NPAS3: variants seen among roughly 807,000 people sequenced by gnomAD.
NPAS3 encodes the protein neuronal PAS domain protein 3, also known as neuronal PAS domain-containing protein 3.
A neutral mutation model predicts 73.1 loss-of-function variants in NPAS3; 14 were observed. That is an observed-to-expected ratio of 0.19 (90% CI 0.13 to 0.30). The LOEUF (loss-of-function observed/expected upper bound fraction) is 0.30, where lower values mean the gene tolerates loss of function less well. NPAS3 is among the 10% of genes least tolerant of loss of function. The probability of loss-of-function intolerance (pLI) is 1.00; values close to 1 mark genes in which losing one functional copy is unlikely to be tolerated. For synonymous variants in NPAS3, 620 were observed against 541.5 expected, an observed-to-expected ratio of 1.14 and a Z score of -2.01; for missense variants, 1,096 against 1,250.0, an observed-to-expected ratio of 0.88 and a Z score of 1.86.
Position 33,789,184 on chromosome 14 carries a change from A to G in NPAS3, c.1154-4713A>G, listed in dbSNP as rs187707311. On this transcript the variant is annotated intron_variant, in intron 9 of 11. Coordinates refer to ENST00000356141, the Ensembl canonical transcript of NPAS3. ...ATTGTTAGCTAAGCAAAGCTGAAAC[A>G]GTTCAACCAGGAGGATTTAAATCTC... Among the ~76,000 whole-genome samples the G allele has an allele frequency of 2.9e-3, 449 of 152,360 alleles. 1 individual carries two copies. The highest frequency in any genetic ancestry group is 5.0e-3 in the Non-Finnish European group (339 of 68,028).
chr14:33,175,160 TTGAC>T (rs1351824333), intron 2 of NPAS3, among the ~76,000 whole-genome samples: 1 of 152,190 alleles, frequency 6.6e-6, no homozygotes, highest in African/African-American at 2.4e-5. Flanking sequence ...AAAATATTGA[TTGAC>T]ATAATTTAAA....
At chr14:33,215,618 T>G (rs2047195292) in intron 3 of NPAS3, 192 bp downstream of exon 3, 6 of 744,456 alleles carry the variant, frequency 8.1e-6, no homozygotes, top group Admixed American at 6.3e-5. Flanking sequence ...TTCTATTTTA[T>G]TTTCAAAAAG....
chr14:33,365,651 A>G (rs1178921974), intron 3 of NPAS3, among the ~76,000 whole-genome samples: 1 of 152,164 alleles, frequency 6.6e-6, no homozygotes, highest in African/African-American at 2.4e-5. Context: ...TTTCCCATTG[A>G]AAAAAATGCC....
At chr14:33,297,688 C>T (rs566448327) in intron 3 of NPAS3, among the ~76,000 whole-genome samples, 1 of 152,290 alleles carries the variant, frequency 6.6e-6, no homozygotes, top group African/African-American at 2.4e-5. Context: ...AGGATCCCTG[C>T]TGCTTGCATG....
At chr14:33,675,335 G>A (rs978827605) in intron 5 of NPAS3, among the ~76,000 whole-genome samples, 2 of 152,164 alleles carry the variant, frequency 1.3e-5, no homozygotes, top group African/African-American at 4.8e-5. Context: ...CCTTCAGACG[G>A]CGCACAACTC....
intron 3 of NPAS3, among the ~76,000 whole-genome samples, chr14:33,358,603 C>T (rs2045450468): frequency 6.6e-6 from 1 of 152,182 alleles, no homozygotes; most frequent in Non-Finnish European, 1.5e-5. Context: ...CACCTCTCCC[C>T]ACCTCCATCC....
intron 3 of NPAS3, among the ~76,000 whole-genome samples, chr14:33,261,896 G>A (rs567347636): frequency 6.6e-6 from 1 of 152,184 alleles, no homozygotes; most frequent in East Asian, 1.9e-4. Flanking sequence ...ATCATGAGGA[G>A]TCTGTGCTTG....
At chr14:33,100,656 A>G (rs1032386763) in intron 2 of NPAS3, among the ~76,000 whole-genome samples, 1 of 152,190 alleles carries the variant, frequency 6.6e-6, no homozygotes, top group African/African-American at 2.4e-5. Flanking sequence ...TACCTGGAAG[A>G]TATGTCAATC....
At position 33,081,967 on chromosome 14, in the gene NPAS3, G is replaced by A. The variant is rs76368936; in HGVS notation, c.140+25973G>A. On this transcript the variant is annotated intron_variant, in intron 2 of 11. Transcript: ENST00000356141. The stretch of plus-strand genomic sequence containing the variant: ...TCTCCTGGACAGCCAAACGTGCAAT[G>A]ATTTCTCTTTAAAGATTTATTAAAA... 8.2e-3 allele frequency among the ~76,000 whole-genome samples: 1,247 copies of A among 152,300 alleles called. 15 individuals carry two copies. The highest frequency in any genetic ancestry group is 0.028 in the African/African-American group (1,155 of 41,558).
chr14:33,101,976 C>G (rs748100322), intron 2 of NPAS3, among the ~76,000 whole-genome samples: 1 of 152,150 alleles, frequency 6.6e-6, no homozygotes, highest in African/African-American at 2.4e-5. Flanking sequence ...ACCATTTTCT[C>G]TCATACTCAT....
At chr14:33,463,352 T>C (rs1438151612) in intron 4 of NPAS3, among the ~76,000 whole-genome samples, 2 of 152,216 alleles carry the variant, frequency 1.3e-5, no homozygotes, top group East Asian at 3.8e-4. Context: ...TTGTGTCACA[T>C]TTTGTCTTTA....
At chr14:33,153,321 G>T (rs1049063782) in intron 2 of NPAS3, among the ~76,000 whole-genome samples, 1 of 152,040 alleles carries the variant, frequency 6.6e-6, no homozygotes, top group African/African-American at 2.4e-5. Context: ...AGTTCTGAGT[G>T]CATGAACTGG....
chr14:33,170,035 A>G (rs1218778035), intron 2 of NPAS3, among the ~76,000 whole-genome samples: 1 of 152,142 alleles, frequency 6.6e-6, no homozygotes, highest in South Asian at 2.1e-4. Flanking sequence ...GCTTTATGGA[A>G]TCTTTGCTGG....
At chr14:33,792,399 G>C (rs945521965) in intron 9 of NPAS3, among the ~76,000 whole-genome samples, 2 of 151,876 alleles carry the variant, frequency 1.3e-5, no homozygotes, top group Non-Finnish European at 2.9e-5. Flanking sequence ...TTAGTGTGCT[G>C]TGAGAAAAAA....
At chr14:33,294,176 G>C (rs138272539) in intron 3 of NPAS3, among the ~76,000 whole-genome samples, 1 of 152,126 alleles carries the variant, frequency 6.6e-6, no homozygotes, top group Admixed American at 6.5e-5. Flanking sequence ...TAGCCTAGAC[G>C]TATTACCTTG....
intron 5 of NPAS3, among the ~76,000 whole-genome samples, chr14:33,655,382 C>T (rs935292652): frequency 8.2e-6 from 1 of 121,694 alleles, no homozygotes; most frequent in East Asian, 2.3e-4. Context: ...TTTTGCTTTT[C>T]CCAGATAAAT....
At chr14:33,344,716 T>C (rs757167399) in intron 3 of NPAS3, among the ~76,000 whole-genome samples, 1 of 152,242 alleles carries the variant, frequency 6.6e-6, no homozygotes, top group African/African-American at 2.4e-5. Flanking sequence ...TGTCAATTTA[T>C]ATCTCTCTTT....
chr14:33,157,928 G>A (rs2044708002), intron 2 of NPAS3, among the ~76,000 whole-genome samples: 1 of 152,176 alleles, frequency 6.6e-6, no homozygotes, highest in Non-Finnish European at 1.5e-5. Context: ...TAACACTAGT[G>A]CCTAGAATAG....
chr14:33,354,874 A>C (rs993534100), intron 3 of NPAS3, among the ~76,000 whole-genome samples: 1 of 152,056 alleles, frequency 6.6e-6, no homozygotes, highest in African/African-American at 2.4e-5. Flanking sequence ...ACTCATCGTC[A>C]TTTATTGGCT....
Sources: allele counts gnomAD v4.1 joint callset (sites outside exome capture counted in the v4.1 genomes callset), GRCh38; gene constraint gnomAD v4.1.1; transcripts MANE v1.5; gene names NCBI Gene and HGNC (gene_info 2026-07-23, HGNC 2026-07-21).